Variants in FAM110B observed in about 807,000 individuals in gnomAD.
FAM110B encodes family with sequence similarity 110 member B.
A neutral mutation model predicts 20.4 loss-of-function variants in FAM110B; 6 were observed. That is an observed-to-expected ratio of 0.29 (90% CI 0.16 to 0.58). The LOEUF (loss-of-function observed/expected upper bound fraction) is 0.58. FAM110B is among the 20% of genes least tolerant of loss of function. The probability of loss-of-function intolerance (pLI) is 0.90; values close to 1 mark genes in which losing one functional copy is unlikely to be tolerated. For missense variants in FAM110B, 434 were observed against 498.2 expected (o/e 0.87, Z 1.23); for synonymous variants, 226 against 214.1 (o/e 1.06, Z -0.49).
chr8:58,009,270 C>T (rs796391992), intron 1 of FAM110B, among the ~76,000 whole-genome samples: 10 of 152,216 alleles, frequency 6.6e-5, no homozygotes, highest in African/African-American at 2.2e-4. Flanking sequence ...CAGATGGGAG[C>T]GAAGTACCAC....
At chr8:58,031,153 T>C (rs898674759) in intron 1 of FAM110B, among the ~76,000 whole-genome samples, 14 of 152,332 alleles carry the variant, frequency 9.2e-5, no homozygotes, top group African/African-American at 3.4e-4. Flanking sequence ...ACTAGACCTG[T>C]CTTGTGATAT....
At chr8:58,129,565 C>A (rs551792713) in intron 3 of FAM110B, among the ~76,000 whole-genome samples, 5 of 152,158 alleles carry the variant, frequency 3.3e-5, no homozygotes, top group Admixed American at 1.3e-4. Context: ...GAAAGGAAGG[C>A]GCTGCTGGAG....
intron 3 of FAM110B, among the ~76,000 whole-genome samples, chr8:58,108,666 G>A (rs771671797): frequency 5.9e-5 from 9 of 152,196 alleles, no homozygotes; most frequent in African/African-American, 1.4e-4. Context: ...GTCCTCAGGC[G>A]CCAGCTCCTG....
At chr8:58,085,661 T>C (rs1003524051) in intron 3 of FAM110B, among the ~76,000 whole-genome samples, 1 of 152,238 alleles carries the variant, frequency 6.6e-6, no homozygotes, top group Non-Finnish European at 1.5e-5. Context: ...GGAATACCTC[T>C]GGCACATTGA....
chr8:58,008,066 A>C (rs1479993892), intron 1 of FAM110B, among the ~76,000 whole-genome samples: 2 of 151,582 alleles, frequency 1.3e-5, no homozygotes, highest in Admixed American at 1.3e-4. Context: ...GATGTTTAAT[A>C]GATTCATTGA....
chr8:58,113,314 C>G (rs1807111179), intron 3 of FAM110B: 1 of 211,806 alleles, frequency 4.7e-6, no homozygotes, highest in Middle Eastern at 2.4e-3. Context: ...CTAGAAGTAA[C>G]AGCTGGAGTG....
At chr8:57,996,290 C>G (rs1483767046) in intron 1 of FAM110B, among the ~76,000 whole-genome samples, 2 of 152,176 alleles carry the variant, frequency 1.3e-5, no homozygotes, top group Non-Finnish European at 2.9e-5. Context: ...GTGCTTAGAA[C>G]AGTGCCTTGC....
chr8:58,109,093 A>T (rs1806990948), intron 3 of FAM110B, among the ~76,000 whole-genome samples: 1 of 152,178 alleles, frequency 6.6e-6, no homozygotes. Flanking sequence ...CACGTCGCAC[A>T]TTGTGTCAGT....
chr8:58,015,058 T>C (rs1041196976), intron 1 of FAM110B, among the ~76,000 whole-genome samples: 1 of 152,196 alleles, frequency 6.6e-6, no homozygotes, highest in Non-Finnish European at 1.5e-5. Flanking sequence ...GCAGTTTTTG[T>C]TTAAGATAAC....
intron 3 of FAM110B, among the ~76,000 whole-genome samples, chr8:58,121,141 G>A (rs1429082919): frequency 1.3e-5 from 2 of 152,166 alleles, no homozygotes; most frequent in Non-Finnish European, 2.9e-5. Flanking sequence ...ATAGGATGAG[G>A]CGCGATGAGC....
At chr8:58,108,995 G>T (rs1585893575) in intron 3 of FAM110B, among the ~76,000 whole-genome samples, 1 of 152,294 alleles carries the variant, frequency 6.6e-6, no homozygotes, top group African/African-American at 2.4e-5. Context: ...ACTCTAATCG[G>T]TGAGGAAACT....
At chr8:58,109,192 C>T (rs1486101482) in intron 3 of FAM110B, among the ~76,000 whole-genome samples, 1 of 152,196 alleles carries the variant, frequency 6.6e-6, no homozygotes, top group Non-Finnish European at 1.5e-5. Flanking sequence ...CCCAAGCATC[C>T]CCATACTTGG....
At chr8:58,037,816 AC>A (rs1805116594) in intron 2 of FAM110B, among the ~76,000 whole-genome samples, 1 of 152,112 alleles carries the variant, frequency 6.6e-6, no homozygotes, top group South Asian at 2.1e-4. Context: ...GAATTGGAAA[AC>A]AGCCGTTACT....
intron 3 of FAM110B, among the ~76,000 whole-genome samples, chr8:58,130,021 T>A (rs1419210732): frequency 6.6e-6 from 1 of 152,188 alleles, no homozygotes; most frequent in African/African-American, 2.4e-5. Context: ...AGTAGAAGTT[T>A]CAAAGAAACA....
chr8:58,048,841 A>G (rs13263290), intron 2 of FAM110B, among the ~76,000 whole-genome samples: 11,165 of 152,232 alleles, frequency 0.073, 514 homozygotes, highest in African/African-American at 0.11. Context: ...TTTTTTAGGA[A>G]TGATTTTCAG....
intron 3 of FAM110B, among the ~76,000 whole-genome samples, chr8:58,099,579 A>G (rs757805398): frequency 6.6e-6 from 1 of 152,214 alleles, no homozygotes; most frequent in Non-Finnish European, 1.5e-5. Context: ...TGCTTAATAC[A>G]TACCTCAGTT....
In FAM110B at chr8:58,146,936, A is replaced by G. The variant is rs748608099; in HGVS notation, c.706A>G (p.Met236Val). The G allele has an allele frequency of 4.3e-6, 7 of 1,614,000 alleles. No homozygotes were observed. The highest frequency in any genetic ancestry group is 1.6e-4 in the Middle Eastern group (1 of 6,082). Residue 236 changes from methionine to valine, a missense_variant, in exon 4 of 4, where the codon ATG (methionine) becomes GTG (valine). By Grantham distance (21) the Met-to-Val change is conservative. Transcript: ENST00000519262. ...GCCCAAAATCGCAGCCATCGCCTCC[A>G]TGAAGTCCCCCGAGGCCGACCCTGT... ...PKPKIAAIAS[M>V]KSPEADPVEP...
At chr8:58,129,682 C>G (rs1057305133) in intron 3 of FAM110B, among the ~76,000 whole-genome samples, 1 of 152,142 alleles carries the variant, frequency 6.6e-6, no homozygotes, top group Admixed American at 6.5e-5. Flanking sequence ...GCACAGATTG[C>G]GGCTACTAGA....
intron 1 of FAM110B, among the ~76,000 whole-genome samples, chr8:58,022,898 T>C (rs1355571011): frequency 6.6e-6 from 1 of 152,214 alleles, no homozygotes. Context: ...AAAAACAGTG[T>C]GGGAAAGCCC....
Sources: gnomAD v4.1 joint callset for allele counts (sites outside exome capture counted in the v4.1 genomes callset) on GRCh38, gnomAD v4.1.1 for gene constraint, MANE v1.5 for transcripts, NCBI Gene and HGNC (gene_info 2026-07-23, HGNC 2026-07-21) for gene names.